The following TRPC4 variants were observed in gnomAD, a reference collection of about 807,000 sequenced individuals.
TRPC4 encodes short transient receptor potential channel 4.
Under a neutral mutation model 99.4 loss-of-function variants are expected in TRPC4, and 49 were observed. The observed-to-expected ratio is 0.49, with a 90% CI of 0.39 to 0.63. TRPC4 has a LOEUF of 0.63. TRPC4 is among the 20% of genes least tolerant of loss of function. TRPC4 has a pLI of 0.00. For synonymous variants in TRPC4, 454 were observed against 425.9 expected (o/e 1.07, Z -0.81); for missense variants, 898 against 1,152.9 (o/e 0.78, Z 3.20).
chr13:37,828,196 C>G (rs539017358), intron 1 of TRPC4, among the ~76,000 whole-genome samples: 1 of 152,158 alleles, frequency 6.6e-6, no homozygotes, highest in African/African-American at 2.4e-5. Context: ...GAGATGAACC[C>G]GGTACCTCAG....
intron 1 of TRPC4, among the ~76,000 whole-genome samples, chr13:37,829,501 C>T (rs927617622): frequency 1.3e-5 from 2 of 152,050 alleles, no homozygotes; most frequent in Non-Finnish European, 1.5e-5. Context: ...AAGGACGAGG[C>T]GAAATGGGAA....
chr13:37,753,411 A>G (rs1423002905), intron 2 of TRPC4, among the ~76,000 whole-genome samples: 1 of 152,082 alleles, frequency 6.6e-6, no homozygotes, highest in Non-Finnish European at 1.5e-5. Flanking sequence ...ATTCTAGTAT[A>G]TTTTGAAGAA....
chr13:37,773,169 C>T (rs1956601830), intron 2 of TRPC4, among the ~76,000 whole-genome samples: 1 of 151,612 alleles, frequency 6.6e-6, no homozygotes, highest in African/African-American at 2.4e-5. Context: ...GCTTGGTGGC[C>T]AAGTTTTACT....
intron 2 of TRPC4, among the ~76,000 whole-genome samples, chr13:37,752,614 C>T (rs576093628): frequency 9.7e-4 from 147 of 151,318 alleles, no homozygotes; most frequent in African/African-American, 3.4e-3. Flanking sequence ...CACCCTTTTT[C>T]TTTGCTAAGT....
chr13:37,798,737 T>C (rs1957318000), intron 1 of TRPC4, among the ~76,000 whole-genome samples: 1 of 152,178 alleles, frequency 6.6e-6, no homozygotes, highest in Non-Finnish European at 1.5e-5. Flanking sequence ...TGAAACCAAC[T>C]ATATAAGTGT....
chr13:37,704,756 C>T (rs1954211437), intron 3 of TRPC4, among the ~76,000 whole-genome samples: 1 of 152,156 alleles, frequency 6.6e-6, no homozygotes, highest in African/African-American at 2.4e-5. Context: ...AAGTCAGCCT[C>T]TTTACTTTCT....
rs565609701 is a variant in TRPC4, at chr13:37,761,568, C to T, written c.379-15113G>A. On this transcript the variant is annotated intron_variant, in intron 2 of 10. Coordinates refer to ENST00000379705, the MANE Select transcript of TRPC4 (RefSeq NM_016179.4). ...GTAGTCATTTATTCAAAATATTTCT[C>T]ATTAAGGAACAAGAACTGAAGAAAC... is the stretch of plus-strand genomic sequence containing the variant. 2.6e-5 allele frequency among the ~76,000 whole-genome samples: 4 copies of T among 151,990 alleles called. No homozygotes were observed. In the Admixed American group the frequency reaches 2.6e-4, roughly 10 times the overall value.
At chr13:37,673,307 A>G (rs1207460992) in intron 5 of TRPC4, among the ~76,000 whole-genome samples, 1 of 152,078 alleles carries the variant, frequency 6.6e-6, no homozygotes, top group Non-Finnish European at 1.5e-5. Context: ...CCAACTTCAG[A>G]CAATTTTGCT....
At chr13:37,839,293 G>C (rs1286930870) in intron 1 of TRPC4, among the ~76,000 whole-genome samples, 3 of 152,064 alleles carry the variant, frequency 2.0e-5, no homozygotes. Context: ...AGGTAGTAAG[G>C]ACTATAGTAA....
chr13:37,831,122 A>G (rs1444998239), intron 1 of TRPC4, among the ~76,000 whole-genome samples: 2 of 151,468 alleles, frequency 1.3e-5, no homozygotes, highest in African/African-American at 4.9e-5. Context: ...TGATGCATCT[A>G]TTTTTGCTTT....
chr13:37,638,542 T>G (rs1439750250), intron 10 of TRPC4, among the ~76,000 whole-genome samples: 1 of 152,184 alleles, frequency 6.6e-6, no homozygotes, highest in Non-Finnish European at 1.5e-5. Flanking sequence ...TAAACTAAAT[T>G]ATTTTAAACA....
intron 1 of TRPC4, among the ~76,000 whole-genome samples, chr13:37,832,670 A>G (rs1295600008): frequency 4.6e-5 from 7 of 152,236 alleles, no homozygotes; most frequent in Admixed American, 3.3e-4. Context: ...AGGACATATT[A>G]AAATCAATAA....
intron 2 of TRPC4, among the ~76,000 whole-genome samples, chr13:37,765,109 T>C (rs763276655): frequency 6.6e-5 from 10 of 151,404 alleles, no homozygotes; most frequent in Non-Finnish European, 1.2e-4. Flanking sequence ...TTTTGATCTA[T>C]CATATTCATT....
intron 1 of TRPC4, among the ~76,000 whole-genome samples, chr13:37,786,374 T>TA (rs1007432926): frequency 4.0e-5 from 6 of 150,166 alleles, no homozygotes; most frequent in African/African-American, 1.5e-4. Context: ...CTTTGATGGC[T>TA]AAAACCTTAA....
chr13:37,764,268 T>C lies in TRPC4; in HGVS notation c.379-17813A>G, dbSNP rs1052431577. On this transcript the variant is annotated intron_variant, in intron 2 of 10. Transcript: ENST00000379705. The stretch of plus-strand genomic sequence containing the variant: ...TCAGTTAGACAACTCAAATGTTTGT[T>C]ACTGTTGAAATACTCTCTTTTTATA... 3.4e-4 allele frequency among the ~76,000 whole-genome samples: 51 copies of C among 151,542 alleles called. 1 individual carries two copies. Among genetic ancestry groups the C allele is most frequent in the African/African-American group, 1.2e-3 (50 of 41,352 alleles).
chr13:37,788,063 C>G (rs1328909066), intron 1 of TRPC4, among the ~76,000 whole-genome samples: 1 of 151,976 alleles, frequency 6.6e-6, no homozygotes, highest in Non-Finnish European at 1.5e-5. Flanking sequence ...GTGTAATAGT[C>G]AAAGTTTGAA....
At chr13:37,709,037 A>G (rs1472396653) in intron 3 of TRPC4, among the ~76,000 whole-genome samples, 2 of 152,062 alleles carry the variant, frequency 1.3e-5, no homozygotes, top group Non-Finnish European at 2.9e-5. Flanking sequence ...AGAGAAGGAA[A>G]TATCCACCTC....
intron 3 of TRPC4, 79 bp downstream of exon 3, chr13:37,745,858 C>T: frequency 1.3e-6 from 2 of 1,508,038 alleles, no homozygotes; most frequent in Non-Finnish European, 1.8e-6. Context: ...AAACCCAAAA[C>T]TAATTTTGTG....
At chr13:37,762,506 G>T (rs1264448984) in intron 2 of TRPC4, among the ~76,000 whole-genome samples, 1 of 151,422 alleles carries the variant, frequency 6.6e-6, no homozygotes, top group African/African-American at 2.4e-5. Flanking sequence ...AGAAAATGTG[G>T]CACATATACA....
Sources: gnomAD v4.1 joint callset for allele counts (sites outside exome capture counted in the v4.1 genomes callset) on GRCh38, gnomAD v4.1.1 for gene constraint, MANE v1.5 for transcripts, NCBI Gene and HGNC (gene_info 2026-07-23, HGNC 2026-07-21) for gene names.